Variants in DCP2 observed in about 807,000 individuals in gnomAD.
The protein encoded by DCP2 is decapping mRNA 2.
Under a neutral mutation model 56.1 loss-of-function variants are expected in DCP2, and 30 were observed. The observed-to-expected ratio is 0.53, with a 90% CI of 0.40 to 0.73. DCP2 has a LOEUF of 0.73. Ranked by LOEUF, DCP2 falls within the 30% of genes least tolerant of loss-of-function variation. The pLI, the probability that DCP2 is intolerant of heterozygous loss-of-function variation, is 0.00. For missense variants in DCP2, 533 were observed against 502.7 expected (o/e 1.06, Z -0.58); for synonymous variants, 197 against 163.3 (o/e 1.21, Z -1.57).
At chr5:113,006,118 A>AG (rs1491438693) in intron 8 of DCP2, among the ~76,000 whole-genome samples, 3 of 110,036 alleles carry the variant, frequency 2.7e-5, no homozygotes, top group African/African-American at 1.6e-4. Flanking sequence ...CCCTATCTCC[A>AG]AAAAAAAAAA....
chr5:112,984,015 A>G (rs943741054), intron 1 of DCP2: 10 of 152,226 alleles, frequency 6.6e-5, no homozygotes, highest in African/African-American at 2.4e-4. Context: ...AAGTGAATTA[A>G]GGAGGATGAA....
Position 112,996,750 on chromosome 5 carries a change from C to A in DCP2, c.432+3980C>A, listed in dbSNP as rs143370815. On this transcript the variant is annotated intron_variant, in intron 4 of 10. Coordinates refer to ENST00000389063, the MANE Select transcript of DCP2 (RefSeq NM_152624.6). The stretch of plus-strand genomic sequence containing the variant: ...GCAATCTTAATTAGTAATTTCCAAT[C>A]TTCTATTTGACCTTTTGGCTCACCT... 1.9e-4 allele frequency among the ~76,000 whole-genome samples: 29 copies of A among 152,244 alleles called. No individual in the cohort carries two copies. The East Asian group carries it at 5.4e-3, about 28-fold the overall frequency.
rs201973039 is a variant in DCP2 at position 113,004,092 on chromosome 5, A to G, written c.942+15A>G. The G allele has an allele frequency of 6.9e-6, 11 of 1,599,788 alleles. No individual in the cohort carries two copies. In the East Asian group the frequency reaches 8.9e-5, roughly 13 times the overall value. On this transcript the variant is annotated intron_variant, in intron 8 of 10. Coordinates refer to ENST00000389063, the MANE Select transcript of DCP2 (RefSeq NM_152624.6). Reference sequence around the variant, plus strand: ...TAAAAGGAAAGGTGAGTGATACACAATTACAGTCTTTTCAGAAATTTAGAT... The same window carrying G: ...TAAAAGGAAAGGTGAGTGATACACAGTTACAGTCTTTTCAGAAATTTAGAT...
intron 1 of DCP2, among the ~76,000 whole-genome samples, chr5:112,983,808 C>G (rs1264284640): frequency 6.6e-6 from 1 of 152,152 alleles, no homozygotes; most frequent in South Asian, 2.1e-4. Flanking sequence ...TTCTCAATAT[C>G]AAAATTGCAA....
At chr5:112,978,987 A>G (rs930432105) in intron 1 of DCP2, among the ~76,000 whole-genome samples, 11 of 152,216 alleles carry the variant, frequency 7.2e-5, no homozygotes, top group African/African-American at 2.7e-4. Context: ...ATTATCTAGG[A>G]TTACATCATT....
chr5:112,993,362 C>T (rs556376916), intron 4 of DCP2, among the ~76,000 whole-genome samples: 20 of 152,218 alleles, frequency 1.3e-4, no homozygotes, highest in Admixed American at 3.9e-4. Context: ...TGGCCAGGCA[C>T]GGTGGCTCAC....
chr5:112,990,784 T>C (rs1278532558), intron 2 of DCP2, among the ~76,000 whole-genome samples: 1 of 145,718 alleles, frequency 6.9e-6, no homozygotes, highest in African/African-American at 2.7e-5. Context: ...ACTTGGGCTC[T>C]GAGGACCTAT....
chr5:112,977,097 C>T (rs1747744849), intron 1 of DCP2, 111 bp downstream of exon 1: 3 of 745,566 alleles, frequency 4.0e-6, no homozygotes, highest in South Asian at 2.7e-5. Flanking sequence ...TCGCTTTCCG[C>T]TCCCGCCGCT....
chr5:112,989,716 C>T (rs1343183595), intron 2 of DCP2, among the ~76,000 whole-genome samples: 1 of 152,158 alleles, frequency 6.6e-6, no homozygotes, highest in Non-Finnish European at 1.5e-5. Flanking sequence ...TCATTATTAA[C>T]GTTTTCCTAC....
intron 3 of DCP2, among the ~76,000 whole-genome samples, 165 bp downstream of exon 3, chr5:112,992,413 G>C (rs1257849618): frequency 1.3e-5 from 2 of 152,050 alleles, no homozygotes; most frequent in Admixed American, 6.5e-5. Context: ...TATGTCTGCA[G>C]ATTTTTTACT....
rs770564160 is a variant in DCP2, at chr5:113,003,960, C to T, written c.825C>T (p.His275=). The change falls in exon 8 of 11, where the codon CAC becomes CAT. Residue 275 remains histidine (H), a synonymous_variant. Transcript: ENST00000389063. ...GGTGTAGTCGAACCAAATTCCGCCACAGTCAGCAGTTATTTCCTGACGGTT... is the reference window on the plus strand; with the variant it reads ...GGTGTAGTCGAACCAAATTCCGCCATAGTCAGCAGTTATTTCCTGACGGTT... The part of the protein sequence containing the change: ...VEKLSRTKFR[H]SQQLFPDGSP... 3.0e-5 allele frequency: 48 copies of T among 1,614,008 alleles called. No individual in the cohort carries two copies. The highest frequency in any genetic ancestry group is 3.9e-5 in the Non-Finnish European group (46 of 1,180,012).
intron 4 of DCP2, among the ~76,000 whole-genome samples, chr5:112,997,772 G>A (rs1748934376): frequency 1.3e-5 from 2 of 151,984 alleles, no homozygotes; most frequent in Admixed American, 6.6e-5. Flanking sequence ...ACGCCACCAT[G>A]TTTGGCTAAT....
chr5:113,015,281 T>A lies in DCP2; in HGVS notation c.*1797T>A, dbSNP rs1411007959. The A allele has an allele frequency of 6.6e-6, 1 of 152,582 alleles. No individual in the cohort carries two copies. Among genetic ancestry groups the A allele is most frequent in the Admixed American group, 6.5e-5 (1 of 15,280 alleles). The allele number at this position is 152,582 out of a possible 1,614,324, so 9.5% of individuals were successfully genotyped here. On this transcript the variant is annotated 3_prime_UTR_variant, in exon 11 of 11. Transcript: ENST00000389063. Reference sequence around the variant, plus strand: ...TAAAGGAGTGAAAATGTAGTTTGCCTGGCAGATGAATAATTTTCACTCATT... The same window carrying A: ...TAAAGGAGTGAAAATGTAGTTTGCCAGGCAGATGAATAATTTTCACTCATT...
chr5:113,008,847 A>G (rs1444539319), intron 9 of DCP2, among the ~76,000 whole-genome samples: 1 of 141,318 alleles, frequency 7.1e-6, no homozygotes, highest in Non-Finnish European at 1.6e-5. Flanking sequence ...CTAGACAGAT[A>G]ACTTTTTTTT....
At chr5:112,981,806 C>G (rs1372156816) in intron 1 of DCP2, among the ~76,000 whole-genome samples, 1 of 152,114 alleles carries the variant, frequency 6.6e-6, no homozygotes, top group Non-Finnish European at 1.5e-5. Context: ...GAGTCTTGCT[C>G]GTTTGCCCAG....
At chr5:112,995,504 T>A (rs1257214018) in intron 4 of DCP2, among the ~76,000 whole-genome samples, 1 of 152,156 alleles carries the variant, frequency 6.6e-6, no homozygotes, top group African/African-American at 2.4e-5. Flanking sequence ...GAAGAGGATA[T>A]TACATTGGTT....
intron 2 of DCP2, among the ~76,000 whole-genome samples, chr5:112,991,779 G>A (rs529227815): frequency 7.0e-4 from 107 of 152,278 alleles, no homozygotes; most frequent in African/African-American, 2.4e-3. Flanking sequence ...AACGAGAAAT[G>A]TTCTAGGTGT....
At position 113,013,610 on chromosome 5, in the gene DCP2, T is replaced by A; in HGVS notation, c.*126T>A. 1 of 1,160,168 alleles carries A rather than the reference T, an allele frequency of 8.6e-7. No homozygotes were observed. The highest frequency in any genetic ancestry group is 1.2e-6 in the Non-Finnish European group (1 of 821,278). 71.9% of individuals were successfully genotyped at this position (1,160,168 alleles called of 1,614,324 possible). ...CAGGGAGGCAATGTTTCTGAAGACATTTTCTGTTTATAAGAGAGTAGAAAG... is the reference window on the plus strand; with the variant it reads ...CAGGGAGGCAATGTTTCTGAAGACAATTTCTGTTTATAAGAGAGTAGAAAG... On this transcript the variant is annotated 3_prime_UTR_variant, in exon 11 of 11. Transcript: ENST00000389063.
chr5:113,005,090 T>C (rs1354055345), intron 8 of DCP2, among the ~76,000 whole-genome samples: 2 of 151,626 alleles, frequency 1.3e-5, no homozygotes, highest in African/African-American at 2.4e-5. Context: ...GATCGCGCCA[T>C]TGCACTCCAG....
Sources: gnomAD v4.1 joint callset for allele counts (sites outside exome capture counted in the v4.1 genomes callset) on GRCh38, gnomAD v4.1.1 for gene constraint, MANE v1.5 for transcripts, NCBI Gene and HGNC (gene_info 2026-07-23, HGNC 2026-07-21) for gene names.